The following SGCZ variants were observed in gnomAD, a reference collection of about 807,000 sequenced individuals.
SGCZ encodes zeta-sarcoglycan.
SGCZ carries 40 observed loss-of-function variants against 41.3 expected under a neutral mutation model. The ratio of observed to expected loss-of-function variants is 0.97; its 90% CI spans 0.75 to 1.26. The LOEUF is 1.26. Among genes scored for constraint, SGCZ ranks in the 50% most tolerant of loss-of-function variants. The probability of loss-of-function intolerance (pLI) is 0.00; values close to 1 mark genes in which losing one functional copy is unlikely to be tolerated. For synonymous variants in SGCZ, 206 were observed against 137.5 expected (o/e 1.50, Z -3.49); for missense variants, 552 against 369.8 (o/e 1.49, Z -4.04).
intron 1 of SGCZ, among the ~76,000 whole-genome samples, chr8:15,061,286 GA>G (rs1804918612): frequency 6.7e-6 from 1 of 150,236 alleles, no homozygotes; most frequent in Non-Finnish European, 1.5e-5. Context: ...CACAGGAACA[GA>G]AAACCAAACA....
intron 2 of SGCZ, among the ~76,000 whole-genome samples, chr8:14,365,560 A>G (rs1423917167): frequency 3.9e-5 from 6 of 152,292 alleles, no homozygotes; most frequent in Non-Finnish European, 7.4e-5. Flanking sequence ...AACTACTTGT[A>G]AAACAAATCT....
chr8:14,091,369 G>A (rs958345271), intron 7 of SGCZ, among the ~76,000 whole-genome samples: 1 of 151,866 alleles, frequency 6.6e-6, no homozygotes, highest in African/African-American at 2.4e-5. Context: ...GGATTGCTGG[G>A]TCAAATGGTA....
chr8:15,226,924 C>T (rs151124123), intron 1 of SGCZ, among the ~76,000 whole-genome samples: 1 of 152,262 alleles, frequency 6.6e-6, no homozygotes, highest in Non-Finnish European at 1.5e-5. Flanking sequence ...TTCTGAGCTC[C>T]AGCTTGGATG....
Position 15,090,478 on chromosome 8 carries a change from G to C in SGCZ, c.39+147107C>G, listed in dbSNP as rs78146152. Among the ~76,000 whole-genome samples the C allele has an allele frequency of 5.1e-3, 783 of 152,246 alleles. 5 individuals are homozygous for C. Among genetic ancestry groups the C allele is most frequent in the African/African-American group, 0.018 (741 of 41,546 alleles). On this transcript the variant is annotated intron_variant, in intron 1 of 7. Transcript: ENST00000382080. ...AAGAGCTCTAAGTCATGTCCAATCA[G>C]GCTGCCCATAGGGCTGCACCCAGGA...
At chr8:14,431,509 C>G (rs1466448441) in intron 2 of SGCZ, among the ~76,000 whole-genome samples, 1 of 152,126 alleles carries the variant, frequency 6.6e-6, no homozygotes, top group Non-Finnish European at 1.5e-5. Flanking sequence ...GAAACTGGAT[C>G]TTCACCTCTC....
At chr8:14,487,278 T>C (rs1295409680) in intron 2 of SGCZ, among the ~76,000 whole-genome samples, 1 of 152,230 alleles carries the variant, frequency 6.6e-6, no homozygotes, top group African/African-American at 2.4e-5. Context: ...TAAATAAGAA[T>C]ATGAAACCAT....
intron 2 of SGCZ, among the ~76,000 whole-genome samples, chr8:14,502,306 A>C (rs1276184501): frequency 6.6e-6 from 1 of 152,162 alleles, no homozygotes; most frequent in Admixed American, 6.6e-5. Flanking sequence ...TAAAAATGAA[A>C]AATAGAAATA....
chr8:14,489,987 C>A (rs1468553553), intron 2 of SGCZ, among the ~76,000 whole-genome samples: 3 of 151,632 alleles, frequency 2.0e-5, no homozygotes, highest in African/African-American at 7.3e-5. Context: ...TGTGCCTCAG[C>A]CTCCTGAGTA....
chr8:15,103,066 G>A (rs886862133), intron 1 of SGCZ, among the ~76,000 whole-genome samples: 4 of 152,130 alleles, frequency 2.6e-5, no homozygotes, highest in African/African-American at 9.7e-5. Context: ...TGTATGGTGA[G>A]TTTCATAAGG....
At chr8:14,479,311 G>A (rs1801454398) in intron 2 of SGCZ, among the ~76,000 whole-genome samples, 1 of 152,110 alleles carries the variant, frequency 6.6e-6, no homozygotes, top group African/African-American at 2.4e-5. Flanking sequence ...GAAGCATTCA[G>A]CACGGGAGAA....
Position 15,000,564 on chromosome 8 carries a change from G to A in SGCZ, c.39+237021C>T, listed in dbSNP as rs573670211. 2.6e-5 allele frequency among the ~76,000 whole-genome samples: 4 copies of A among 152,282 alleles called. No individual in the cohort carries two copies. The South Asian group carries it at 6.2e-4, about 24-fold the overall frequency. ...ATGGGTGAGTGCCCCAGGAACCAGGGACTAGACATGTTCAAGATGGCGGCT... is the reference window on the plus strand; with the variant it reads ...ATGGGTGAGTGCCCCAGGAACCAGGAACTAGACATGTTCAAGATGGCGGCT... On this transcript the variant is annotated intron_variant, in intron 1 of 7. Transcript: ENST00000382080.
intron 2 of SGCZ, among the ~76,000 whole-genome samples, chr8:14,442,956 G>A (rs1304493663): frequency 6.6e-6 from 1 of 152,198 alleles, no homozygotes; most frequent in South Asian, 2.1e-4. Flanking sequence ...AGCAACTTCA[G>A]CAAAGTCTCA....
At chr8:14,345,769 G>C (rs1480905711) in intron 2 of SGCZ, among the ~76,000 whole-genome samples, 1 of 152,106 alleles carries the variant, frequency 6.6e-6, no homozygotes, top group Non-Finnish European at 1.5e-5. Context: ...TCAATGGAAA[G>C]AAAATAGCTA....
intron 1 of SGCZ, among the ~76,000 whole-genome samples, chr8:14,835,690 A>G (rs890642809): frequency 6.6e-6 from 1 of 152,156 alleles, no homozygotes; most frequent in Non-Finnish European, 1.5e-5. Flanking sequence ...GCTTTAGCCA[A>G]TCTGTTCTTG....
chr8:14,353,290 T>C (rs924788918), intron 2 of SGCZ, among the ~76,000 whole-genome samples: 1 of 152,146 alleles, frequency 6.6e-6, no homozygotes, highest in African/African-American at 2.4e-5. Flanking sequence ...TGTGTTTTTA[T>C]TTTATGCCCC....
chr8:14,415,870 T>A (rs1007080809), intron 2 of SGCZ, among the ~76,000 whole-genome samples: 1 of 151,920 alleles, frequency 6.6e-6, no homozygotes. Flanking sequence ...GCTAAAAGAC[T>A]TGGAACTGCA....
At position 14,423,218 on chromosome 8, in the gene SGCZ, C is replaced by T. The variant is rs188014570; in HGVS notation, c.235-99014G>A. On this transcript the variant is annotated intron_variant, in intron 2 of 7. Coordinates refer to ENST00000382080, the MANE Select transcript of SGCZ (RefSeq NM_139167.4). ...AGGAGATATACCTAATGCTAAATGA[C>T]GAGTTAATGGGTGCAGCACACCAGC... 1.4e-3 allele frequency among the ~76,000 whole-genome samples: 210 copies of T among 151,364 alleles called. 3 individuals are homozygous for T. The highest frequency in any genetic ancestry group is 0.01 in the Middle Eastern group (3 of 294).
chr8:14,414,105 TATA>T (rs1799432018), intron 2 of SGCZ, among the ~76,000 whole-genome samples: 2 of 152,016 alleles, frequency 1.3e-5, no homozygotes, highest in African/African-American at 4.8e-5. Flanking sequence ...GTCTTAGCTA[TATA>T]ATGTGACTTG....
At chr8:14,944,736 A>C (rs1800384928) in intron 1 of SGCZ, among the ~76,000 whole-genome samples, 1 of 152,186 alleles carries the variant, frequency 6.6e-6, no homozygotes, top group Non-Finnish European at 1.5e-5. Flanking sequence ...AGGATTTTGC[A>C]ATCTGAAAGT....
Sources: allele counts gnomAD v4.1 joint callset (sites outside exome capture counted in the v4.1 genomes callset), GRCh38; gene constraint gnomAD v4.1.1; transcripts MANE v1.5; gene names NCBI Gene and HGNC (gene_info 2026-07-23, HGNC 2026-07-21).